CACNG3: variants seen among roughly 807,000 people sequenced by gnomAD.
CACNG3 encodes voltage-dependent calcium channel gamma-3 subunit.
Under a neutral mutation model 28.5 loss-of-function variants are expected in CACNG3, and 3 were observed. That is an observed-to-expected ratio of 0.11 (90% confidence interval 0.05 to 0.27). The LOEUF (loss-of-function observed/expected upper bound fraction) is 0.27, where lower values mean the gene tolerates loss of function less well. Among genes scored for constraint, CACNG3 ranks in the 10% least tolerant of loss-of-function variants. The probability of loss-of-function intolerance (pLI) is 1.00; values close to 1 mark genes in which losing one functional copy is unlikely to be tolerated. For missense variants in CACNG3, 236 were observed against 414.4 expected, an observed-to-expected ratio of 0.57 and a Z score of 3.74; for synonymous variants, 174 against 162.2, an observed-to-expected ratio of 1.07 and a Z score of -0.55.
chr16:24,304,349 A>T (rs1899155645), intron 1 of CACNG3, among the ~76,000 whole-genome samples: 1 of 151,830 alleles, frequency 6.6e-6, no homozygotes, highest in Non-Finnish European at 1.5e-5. Context: ...AGAACATTTC[A>T]TTTTTTTTAG....
chr16:24,355,086 T>A (rs950246399), intron 3 of CACNG3, 113 bp downstream of exon 3: 149 of 1,053,788 alleles, frequency 1.4e-4, no homozygotes, highest in Non-Finnish European at 1.9e-4. Flanking sequence ...CAAGAAAATG[T>A]TCCAGTTGTG....
At chr16:24,317,237 A>G (rs930024802) in intron 1 of CACNG3, among the ~76,000 whole-genome samples, 1 of 152,118 alleles carries the variant, frequency 6.6e-6, no homozygotes, top group African/African-American at 2.4e-5. Context: ...ACAAGGTTAC[A>G]TGGGTAAGAA....
At chr16:24,259,973 AG>A (rs1403497563) in intron 1 of CACNG3, among the ~76,000 whole-genome samples, 1 of 152,254 alleles carries the variant, frequency 6.6e-6, no homozygotes, top group African/African-American at 2.4e-5. Flanking sequence ...AGTTTTCTAA[AG>A]GTGCTCCAAG....
chr16:24,265,478 G>A (rs1033185765), intron 1 of CACNG3, among the ~76,000 whole-genome samples: 1 of 149,880 alleles, frequency 6.7e-6, no homozygotes, highest in Non-Finnish European at 1.5e-5. Flanking sequence ...AGGAGAGAGA[G>A]AGAGAAAGAG....
At chr16:24,263,882 C>T (rs1898564913) in intron 1 of CACNG3, among the ~76,000 whole-genome samples, 1 of 152,238 alleles carries the variant, frequency 6.6e-6, no homozygotes, top group Non-Finnish European at 1.5e-5. Context: ...TCTCTCCTTC[C>T]TCCCAATACT....
At chr16:24,285,633 T>C (rs1053681529) in intron 1 of CACNG3, among the ~76,000 whole-genome samples, 1 of 152,078 alleles carries the variant, frequency 6.6e-6, no homozygotes, top group African/African-American at 2.4e-5. Context: ...CTGGGCAACA[T>C]GGTGAGACCC....
chr16:24,295,625 T>C (rs1442190967), intron 1 of CACNG3, among the ~76,000 whole-genome samples: 3 of 152,038 alleles, frequency 2.0e-5, no homozygotes, highest in African/African-American at 7.3e-5. Flanking sequence ...GGAAGGAAGA[T>C]TACTTGAGCC....
At chr16:24,329,446 C>T (rs1899603718) in intron 1 of CACNG3, among the ~76,000 whole-genome samples, 1 of 152,146 alleles carries the variant, frequency 6.6e-6, no homozygotes, top group African/African-American at 2.4e-5. Flanking sequence ...AGAATGCTAA[C>T]GTTTCACAAA....
At chr16:24,262,815 G>A (rs1898553748) in intron 1 of CACNG3, among the ~76,000 whole-genome samples, 1 of 152,182 alleles carries the variant, frequency 6.6e-6, no homozygotes, top group East Asian at 1.9e-4. Flanking sequence ...AATACTTTCA[G>A]TTGTTTCAAT....
At chr16:24,282,994 A>G (rs565123078) in intron 1 of CACNG3, among the ~76,000 whole-genome samples, 43 of 151,962 alleles carry the variant, frequency 2.8e-4, no homozygotes, top group African/African-American at 1.0e-3. Context: ...TCAGCCTCCC[A>G]AGTAGCTGGG....
chr16:24,343,837 C>T (rs955445170), intron 1 of CACNG3, among the ~76,000 whole-genome samples: 1 of 152,108 alleles, frequency 6.6e-6, no homozygotes, highest in Non-Finnish European at 1.5e-5. Flanking sequence ...CACCTGTAAT[C>T]CCAGCACTTT....
Position 24,352,895 on chromosome 16 carries a change from C to A in CACNG3, c.296-1938C>A, listed in dbSNP as rs941327143. On this transcript the variant is annotated intron_variant, in intron 2 of 3. Transcript: ENST00000005284. The stretch of plus-strand genomic sequence containing the variant: ...CACGGGGCTCAGCCCTCAGAAGGGC[C>A]CCACCCTTGGTTCCATGTTCTGCTG... Among the ~76,000 whole-genome samples the A allele has an allele frequency of 3.3e-5, 5 of 152,310 alleles. No individual in the cohort carries two copies. In the South Asian group the frequency reaches 1.0e-3, roughly 32 times the overall value.
At chr16:24,280,521 C>T (rs1488494627) in intron 1 of CACNG3, among the ~76,000 whole-genome samples, 1 of 152,118 alleles carries the variant, frequency 6.6e-6, no homozygotes, top group Non-Finnish European at 1.5e-5. Context: ...ATGCTAATAA[C>T]AAGACCAGAC....
chr16:24,294,868 A>T (rs1899010899), intron 1 of CACNG3, among the ~76,000 whole-genome samples: 1 of 152,214 alleles, frequency 6.6e-6, no homozygotes, highest in Non-Finnish European at 1.5e-5. Context: ...ATGAGAATTA[A>T]ATGAGGTAAT....
chr16:24,300,346 C>T (rs1024521866), intron 1 of CACNG3, among the ~76,000 whole-genome samples: 12 of 151,884 alleles, frequency 7.9e-5, no homozygotes, highest in East Asian at 5.8e-4. Context: ...GCAGGTTACG[C>T]GTGTGAGAAG....
intron 1 of CACNG3, among the ~76,000 whole-genome samples, chr16:24,338,756 C>T (rs1452406248): frequency 1.3e-5 from 2 of 152,140 alleles, no homozygotes; most frequent in Non-Finnish European, 2.9e-5. Context: ...TTAGGGAATC[C>T]CTAGGACCTA....
intron 1 of CACNG3, among the ~76,000 whole-genome samples, chr16:24,314,077 C>T (rs900704207): frequency 6.6e-6 from 1 of 152,118 alleles, no homozygotes; most frequent in African/African-American, 2.4e-5. Context: ...TTTCTACACC[C>T]TTCAGGATAA....
At chr16:24,360,032 G>C (rs918197953) in intron 3 of CACNG3, among the ~76,000 whole-genome samples, 1 of 152,126 alleles carries the variant, frequency 6.6e-6, no homozygotes, top group Non-Finnish European at 1.5e-5. Flanking sequence ...CAAAGAGTAC[G>C]GAACATTCAA....
intron 1 of CACNG3, among the ~76,000 whole-genome samples, chr16:24,266,835 G>A (rs770673440): frequency 4.6e-5 from 7 of 152,136 alleles, no homozygotes; most frequent in Non-Finnish European, 1.0e-4. Flanking sequence ...CTTCTTCCTG[G>A]GATCAGTCAG....
Sources: gnomAD v4.1 joint callset for allele counts (sites outside exome capture counted in the v4.1 genomes callset) on GRCh38, gnomAD v4.1.1 for gene constraint, MANE v1.5 for transcripts, NCBI Gene and HGNC (gene_info 2026-07-23, HGNC 2026-07-21) for gene names.